PRKCG: variants seen among roughly 807,000 people sequenced by gnomAD.
PRKCG encodes protein kinase C gamma.
PRKCG carries 28 observed loss-of-function variants against 82.0 expected under a neutral mutation model. The ratio of observed to expected loss-of-function variants is 0.34; its 90% CI spans 0.25 to 0.47. The LOEUF (loss-of-function observed/expected upper bound fraction) is 0.47. Among genes scored for constraint, PRKCG ranks in the 20% least tolerant of loss-of-function variants. PRKCG has a pLI of 1.00. For missense variants in PRKCG, 640 were observed against 952.7 expected (o/e 0.67, Z 4.32); for synonymous variants, 383 against 376.6 (o/e 1.02, Z -0.20).
chr19:53,893,296 A>G, intron 8 of PRKCG, 66 bp from the exon 9 acceptor site: 1 of 1,521,382 alleles, frequency 6.6e-7, no homozygotes, highest in Non-Finnish European at 9.1e-7. Flanking sequence ...AGGGGCCACC[A>G]GCCCCTGTTC....
intron 3 of PRKCG, among the ~76,000 whole-genome samples, chr19:53,887,074 G>GT (rs895819400): frequency 3.3e-4 from 49 of 150,038 alleles, no homozygotes; most frequent in East Asian, 9.9e-4. Context: ...TTTTGTTTTT[G>GT]TTTTTTTTTG....
intron 11 of PRKCG, among the ~76,000 whole-genome samples, chr19:53,899,534 C>T (rs910091691): frequency 4.6e-5 from 7 of 151,870 alleles, no homozygotes; most frequent in Non-Finnish European, 7.4e-5. Flanking sequence ...TCCAGGGGCT[C>T]CGAATGAGAG....
intron 16 of PRKCG, among the ~76,000 whole-genome samples, chr19:53,905,899 C>T (rs947766060): frequency 1.6e-4 from 22 of 141,354 alleles, no homozygotes; most frequent in Non-Finnish European, 2.8e-4. Flanking sequence ...TTTCATGTAT[C>T]CTCTCCTTCT....
At position 53,891,582 on chromosome 19, in the gene PRKCG, A is replaced by C. The variant is rs1263514185; in HGVS notation, c.530-92A>C. On this transcript the variant is annotated intron_variant, in intron 5 of 17. Coordinates refer to ENST00000263431, the MANE Select transcript of PRKCG (RefSeq NM_002739.5). ...CAGGCATGAGCCGCCGTGCCTGGCC[A>C]AGCTTGGAACTCTTGATTGCTGACT... 3.2e-6 allele frequency: 5 copies of C among 1,538,950 alleles called. No individual in the cohort carries two copies. The Admixed American group carries it at 8.4e-5, about 26-fold the overall frequency.
At position 53,891,807 on chromosome 19, in the gene PRKCG, T is replaced by TGTG. The variant is rs750691688; in HGVS notation, c.664_666dup (p.Val222dup). 6.2e-7 allele frequency: 1 copy of TGTG among 1,613,844 alleles called. No homozygotes were observed. On this transcript the variant is annotated inframe_insertion, in exon 6 of 18. Transcript: ENST00000263431. ...GAACGGTGAAAGCCACGCTAAACCCTGTGTGGAATGAGACCTTTGTGTTGT... is the reference window on the plus strand; with the variant it reads ...GAACGGTGAAAGCCACGCTAAACCCTGTGGTGTGGAATGAGACCTTTGTGTTGT...
At chr19:53,904,767 T>A in intron 16 of PRKCG, 25 bp downstream of exon 16, 1 of 1,580,732 alleles carries the variant, frequency 6.3e-7, no homozygotes, top group Non-Finnish European at 8.7e-7. Flanking sequence ...ACTCCCAGCT[T>A]CTCCAGGCTC....
At chr19:53,885,745 T>C (rs1350815952) in intron 3 of PRKCG, among the ~76,000 whole-genome samples, 1 of 152,058 alleles carries the variant, frequency 6.6e-6, no homozygotes, top group Non-Finnish European at 1.5e-5. Context: ...TACCACCCTC[T>C]CAGCTGAAAA....
rs756398894 is a variant in PRKCG, at chr19:53,883,213, G to A, written c.202+19G>A. 2 of 1,613,810 alleles carry A rather than the reference G, an allele frequency of 1.2e-6. No individual in the cohort carries two copies. Among genetic ancestry groups the A allele is most frequent in the East Asian group, 4.5e-5 (2 of 44,820 alleles). Reference sequence around the variant, plus strand: ...TGTCAAGGTAAGAGCTGGGGACCGGGGCTCCTGGGACCCTCAGGAGGGTGG... The same window carrying A: ...TGTCAAGGTAAGAGCTGGGGACCGGAGCTCCTGGGACCCTCAGGAGGGTGG... On this transcript the variant is annotated intron_variant, in intron 2 of 17. Transcript: ENST00000263431. The surrounding 1 kb of genome is among the most constrained non-coding windows in gnomAD (Gnocchi z 5.4).
At position 53,898,566 on chromosome 19, in the gene PRKCG, G is replaced by A. The variant is rs762479860; in HGVS notation, c.1219G>A (p.Gly407Ser). 1.1e-5 allele frequency: 17 copies of A among 1,612,184 alleles called. No individual in the cohort carries two copies. Among genetic ancestry groups the A allele is most frequent in the Non-Finnish European group, 1.4e-5 (17 of 1,179,612 alleles). Residue 407 changes from glycine to serine, a missense_variant, in exon 11 of 18, where the codon GGC becomes AGC. This residue lies in a region of PRKCG where 78 missense variants were observed against 105.6 expected (regional missense o/e 0.74). Coordinates refer to ENST00000263431, the MANE Select transcript of PRKCG (RefSeq NM_002739.5). ...LVEKRVLALG[G>S]RGPGGRPHFL... ...GGAGAAACGTGTGCTGGCGCTGGGG[G>A]GCCGGGGTCCTGGCGGCCGGCCCCA...
intron 9 of PRKCG, among the ~76,000 whole-genome samples, chr19:53,896,376 GATTATTATTATTATTATTATTATT>G (rs113382850): frequency 2.1e-5 from 3 of 141,956 alleles, no homozygotes; most frequent in Non-Finnish European, 3.0e-5. Context: ...AAACAGCCCT[GATTATTATTATTATTATTATTATT>G]ATTATTATTA....
chr19:53,882,515 C>A lies in PRKCG; in HGVS notation c.21C>A (p.Gly7=), dbSNP rs779036291. 13 of 1,614,034 alleles carry A rather than the reference C, an allele frequency of 8.1e-6. No homozygotes were observed. Among genetic ancestry groups the A allele is most frequent in the Non-Finnish European group, 1.1e-5 (13 of 1,179,966 alleles). Reference sequence around the variant, plus strand: ...GGGCCATGGCTGGTCTGGGCCCCGGCGTAGGCGATTCAGAGGGGGGACCCC... The same window carrying A: ...GGGCCATGGCTGGTCTGGGCCCCGGAGTAGGCGATTCAGAGGGGGGACCCC... MAGLGP[G]VGDSEGGPRP... is the part of the protein sequence containing the mutation. Residue 7 remains glycine, a synonymous_variant, in exon 1 of 18, where the codon GGC becomes GGA. Transcript: ENST00000263431. This position sits in a 1 kb window ranked among gnomAD's most constrained non-coding sequence, Gnocchi z 6.1.
intron 9 of PRKCG, among the ~76,000 whole-genome samples, chr19:53,894,706 C>T (rs562733538): frequency 6.6e-6 from 1 of 152,102 alleles, no homozygotes; most frequent in African/African-American, 2.4e-5. Flanking sequence ...GTGATCCACC[C>T]GCCTTGGCCT....
At chr19:53,881,975 G>T (rs548293358), upstream of PRKCG, 1 of 225,006 alleles carries the variant, frequency 4.4e-6, no homozygotes, top group South Asian at 4.5e-5. Flanking sequence ...GCACCCTAGT[G>T]GGGGAGGAAC....
At chr19:53,895,448 A>T (rs943676982) in intron 9 of PRKCG, among the ~76,000 whole-genome samples, 27 of 145,974 alleles carry the variant, frequency 1.8e-4, no homozygotes, top group African/African-American at 6.7e-4. Flanking sequence ...AGATCGCTCC[A>T]CTGCACTCCA....
intron 9 of PRKCG, 177 bp downstream of exon 9, chr19:53,893,568 A>T: frequency 1.3e-6 from 1 of 743,274 alleles, no homozygotes; most frequent in Non-Finnish European, 2.4e-6. Flanking sequence ...ACCCTCAAGC[A>T]ACTCTCCAAG....
Position 53,893,045 on chromosome 19 carries a change from T to C in PRKCG, c.879T>C (p.Ala293=), listed in dbSNP as rs756757476. 1 of 1,614,096 alleles carries C rather than the reference T, an allele frequency of 6.2e-7. No homozygotes were observed. The highest frequency in any genetic ancestry group is 1.1e-5 in the South Asian group (1 of 91,074). ...ATTACAATGTGCCGGTGGCCGATGC[T>C]GACAACTGCAGCCTCCTCCAGAAGT... ...GEYYNVPVAD[A]DNCSLLQKFE... Residue 293 remains alanine (A), a synonymous_variant, in exon 8 of 18, where the codon GCT becomes GCC. Coordinates refer to ENST00000263431, the MANE Select transcript of PRKCG (RefSeq NM_002739.5).
At chr19:53,906,569 C>T in intron 17 of PRKCG, 112 bp downstream of exon 17, 2 of 1,565,708 alleles carry the variant, frequency 1.3e-6, no homozygotes, top group Non-Finnish European at 1.7e-6. Context: ...CCCCCCGCCC[C>T]CAACAAAAGG....
chr19:53,884,418 G>A lies in PRKCG; in HGVS notation c.285+175G>A, dbSNP rs1017533902. Among the ~76,000 whole-genome samples, 1 of 152,088 alleles carries A rather than the reference G, an allele frequency of 6.6e-6. No individual in the cohort carries two copies. Among genetic ancestry groups the A allele is most frequent in the Admixed American group, 6.6e-5 (1 of 15,260 alleles). ...CCCTTGGCCTGGAAAGGGGGAATGC[G>A]AGGGGGACTGACAGGCTGGGGACAC... On this transcript the variant is annotated intron_variant, in intron 3 of 17. Coordinates refer to ENST00000263431, the MANE Select transcript of PRKCG (RefSeq NM_002739.5). The surrounding 1 kb of genome is among the most constrained non-coding windows in gnomAD (Gnocchi z 4.6).
intron 3 of PRKCG, among the ~76,000 whole-genome samples, chr19:53,887,698 C>T (rs1259433542): frequency 1.3e-5 from 2 of 150,604 alleles, no homozygotes; most frequent in Non-Finnish European, 3.0e-5. Context: ...GGCACGGTGG[C>T]ACGCGCCTGT....
Sources: allele counts gnomAD v4.1 joint callset (sites outside exome capture counted in the v4.1 genomes callset), GRCh38; gene constraint gnomAD v4.1.1; regional missense constraint gnomAD v4.1.1; non-coding constraint Gnocchi (gnomAD v3.1); transcripts MANE v1.5; gene names NCBI Gene and HGNC (gene_info 2026-07-23, HGNC 2026-07-21).